Variants in AIG1 observed in about 807,000 individuals in gnomAD.
The protein encoded by AIG1 is androgen-induced gene 1 protein.
Under a neutral mutation model 31.4 loss-of-function variants are expected in AIG1, and 23 were observed. That is an observed-to-expected ratio of 0.73 (90% CI 0.53 to 1.04). The LOEUF (loss-of-function observed/expected upper bound fraction) is 1.04, where lower values mean the gene tolerates loss of function less well. AIG1 is among the 50% of genes least tolerant of loss of function. AIG1 has a pLI of 0.00. For missense variants in AIG1, 274 were observed against 295.0 expected, an observed-to-expected ratio of 0.93 and a Z score of 0.52; for synonymous variants, 100 against 110.5, an observed-to-expected ratio of 0.90 and a Z score of 0.60.
At chr6:143,337,056 G>A (rs558277409) in intron 5 of AIG1, among the ~76,000 whole-genome samples, 1 of 152,318 alleles carries the variant, frequency 6.6e-6, no homozygotes, top group East Asian at 1.9e-4. Context: ...GGGAGGGGAT[G>A]CATAGCCCTG....
intron 1 of AIG1, among the ~76,000 whole-genome samples, chr6:143,115,041 A>G (rs1283847845): frequency 2.0e-5 from 3 of 152,352 alleles, no homozygotes. Context: ...GTTGCTAACC[A>G]TTATTCAAAA....
chr6:143,101,781 C>T (rs1780303144), intron 1 of AIG1, among the ~76,000 whole-genome samples: 1 of 152,078 alleles, frequency 6.6e-6, no homozygotes, highest in Admixed American at 6.6e-5. Context: ...AACGAAATGC[C>T]ACCTGTTCCC....
intron 3 of AIG1, among the ~76,000 whole-genome samples, chr6:143,210,338 A>G (rs1029981258): frequency 1.3e-5 from 2 of 152,226 alleles, no homozygotes; most frequent in Admixed American, 6.5e-5. Context: ...GGACTAATAC[A>G]CTGGTCTTAG....
At chr6:143,220,741 G>A (rs1165087550) in intron 3 of AIG1, among the ~76,000 whole-genome samples, 2 of 152,224 alleles carry the variant, frequency 1.3e-5, no homozygotes, top group African/African-American at 4.8e-5. Flanking sequence ...CACTTCGAGT[G>A]TTTATTGGGC....
At chr6:143,155,398 G>A (rs1785644768) in intron 2 of AIG1, among the ~76,000 whole-genome samples, 1 of 152,102 alleles carries the variant, frequency 6.6e-6, no homozygotes, top group Non-Finnish European at 1.5e-5. Context: ...TTGTGGGGGG[G>A]ATATCTAAGC....
At chr6:143,151,072 G>T (rs1785182617) in intron 2 of AIG1, among the ~76,000 whole-genome samples, 1 of 152,082 alleles carries the variant, frequency 6.6e-6, no homozygotes, top group African/African-American at 2.4e-5. Context: ...AGTCATATTG[G>T]TTCCAAAGAT....
chr6:143,188,873 A>G, intron 3 of AIG1: 1 of 985,298 alleles, frequency 1.0e-6, no homozygotes, highest in Non-Finnish European at 1.2e-6. Flanking sequence ...GAAATTTGGC[A>G]TTTCTGTAAA....
rs112128950 is a variant in AIG1, at chr6:143,074,171, T to G, written c.141+13105T>G. The stretch of plus-strand genomic sequence containing the variant: ...CTTATCAAATGTTGGTTTGCAAATA[T>G]TTTTCCCAATTTGTAAGTTGCCATT... On this transcript the variant is annotated intron_variant, in intron 1 of 5. Coordinates refer to ENST00000357847, the MANE Select transcript of AIG1 (RefSeq NM_016108.4). Among the ~76,000 whole-genome samples, 443 of 152,344 alleles carry G rather than the reference T, an allele frequency of 2.9e-3. 4 individuals are homozygous for G. The highest frequency in any genetic ancestry group is 0.01 in the African/African-American group (425 of 41,566).
chr6:143,298,414 T>C lies in AIG1; in HGVS notation c.515+14189T>C, dbSNP rs1035260293. Among the ~76,000 whole-genome samples the C allele has an allele frequency of 6.6e-6, 1 of 152,216 alleles. No individual in the cohort carries two copies. Among genetic ancestry groups the C allele is most frequent in the African/African-American group, 2.4e-5 (1 of 41,456 alleles). On this transcript the variant is annotated intron_variant, in intron 4 of 5. Coordinates refer to ENST00000357847, the MANE Select transcript of AIG1 (RefSeq NM_016108.4). The surrounding 1 kb of genome is among the most constrained non-coding windows in gnomAD (Gnocchi z 5.1). ...TATGTAAAGAATGTTAGAAAATGTA[T>C]TATAAAGAAATAGTTAATATGAATA...
chr6:143,284,032 A>T lies in AIG1; in HGVS notation c.400-78A>T, dbSNP rs1797524003. ...ACTTTCCTAGGAATTTATAGTGTGCATTCTCCTACTGGTGAAAAAACAACT... is the reference window on the plus strand; with the variant it reads ...ACTTTCCTAGGAATTTATAGTGTGCTTTCTCCTACTGGTGAAAAAACAACT... On this transcript the variant is annotated intron_variant, in intron 3 of 5. Transcript: ENST00000357847. The surrounding 1 kb of genome is among the most constrained non-coding windows in gnomAD (Gnocchi z 4.4). 9.9e-7 allele frequency: 1 copy of T among 1,012,090 alleles called. No individual in the cohort carries two copies. 62.7% of individuals were successfully genotyped at this position (1,012,090 alleles called of 1,614,324 possible).
At chr6:143,320,704 G>A (rs1191488685) in intron 4 of AIG1, among the ~76,000 whole-genome samples, 2 of 152,064 alleles carry the variant, frequency 1.3e-5, no homozygotes, top group African/African-American at 4.8e-5. Context: ...TCAAGGAGGT[G>A]TTGGTCAAAG....
At chr6:143,149,880 TAA>T in intron 2 of AIG1, among the ~76,000 whole-genome samples, 1 of 152,222 alleles carries the variant, frequency 6.6e-6, no homozygotes, top group East Asian at 1.9e-4. Context: ...TAGCTACCTT[TAA>T]AAAATTGGTT....
intron 1 of AIG1, among the ~76,000 whole-genome samples, chr6:143,110,288 A>AT (rs200263932): frequency 2.8e-4 from 42 of 152,180 alleles, no homozygotes; most frequent in Admixed American, 4.6e-4. Flanking sequence ...CTTCAATATA[A>AT]TTTTTTTTAT....
intron 4 of AIG1, among the ~76,000 whole-genome samples, chr6:143,306,073 G>T (rs1233013063): frequency 4.1e-5 from 6 of 147,538 alleles, no homozygotes; most frequent in Admixed American, 2.0e-4. Context: ...TTTTCCATTT[G>T]CTTGGTAGAT....
At chr6:143,197,264 T>C (rs1238625523) in intron 3 of AIG1, among the ~76,000 whole-genome samples, 1 of 152,230 alleles carries the variant, frequency 6.6e-6, no homozygotes, top group Non-Finnish European at 1.5e-5. Flanking sequence ...ATCAAAACTT[T>C]TTAAAGCAAT....
intron 4 of AIG1, among the ~76,000 whole-genome samples, chr6:143,289,984 T>A (rs925267117): frequency 2.0e-5 from 3 of 152,206 alleles, no homozygotes; most frequent in Non-Finnish European, 2.9e-5. Context: ...TCTATTCAAC[T>A]TGAATCTTTC....
intron 2 of AIG1, among the ~76,000 whole-genome samples, chr6:143,158,125 G>A (rs1370613643): frequency 1.3e-5 from 2 of 152,092 alleles, no homozygotes. Flanking sequence ...CTTTTGGATG[G>A]TGACATAAAG....
rs1217771305 is a variant in AIG1 at position 143,338,895 on chromosome 6, GA to G, written c.680-738del. ...AAAAAATGTTTAGGTACAAGAAAAA[GA>G]AAAAAGCAAGAAGCACTTGCCAGAT... On this transcript the variant is annotated intron_variant, in intron 5 of 5. Transcript: ENST00000357847. The surrounding 1 kb of genome is among the most constrained non-coding windows in gnomAD (Gnocchi z 4.3). 3.3e-5 allele frequency: 5 copies of G among 152,058 alleles called. No homozygotes were observed. The highest frequency in any genetic ancestry group is 7.4e-5 in the Non-Finnish European group (5 of 67,972). 9.4% of individuals were successfully genotyped at this position (152,058 alleles called of 1,614,324 possible).
chr6:143,157,444 T>A (rs1425319031), intron 2 of AIG1, among the ~76,000 whole-genome samples: 2 of 127,528 alleles, frequency 1.6e-5, no homozygotes, highest in Non-Finnish European at 3.1e-5. Flanking sequence ...CTTCTTTTTT[T>A]TTTTTCCTTT....
Sources: gnomAD v4.1 joint callset for allele counts (sites outside exome capture counted in the v4.1 genomes callset) on GRCh38, gnomAD v4.1.1 for gene constraint, Gnocchi (gnomAD v3.1) non-coding constraint, MANE v1.5 for transcripts, NCBI Gene and HGNC (gene_info 2026-07-23, HGNC 2026-07-21) for gene names.